Variants in DMD observed in about 807,000 individuals in gnomAD.
DMD encodes dystrophin, also known as mutant dystrophin.
A neutral mutation model predicts 330.1 loss-of-function variants in DMD; 63 were observed. The ratio of observed to expected loss-of-function variants is 0.19; its 90% CI spans 0.16 to 0.24. The LOEUF (loss-of-function observed/expected upper bound fraction) is 0.24, where lower values mean the gene tolerates loss of function less well. Among genes scored for constraint, DMD ranks in the 10% least tolerant of loss-of-function variants. The probability of loss-of-function intolerance (pLI) is 1.00; values close to 1 mark genes in which losing one functional copy is unlikely to be tolerated. For synonymous variants in DMD, 1,223 were observed against 959.8 expected (o/e 1.27, Z -5.07); for missense variants, 3,344 against 2,684.1 (o/e 1.25, Z -5.43).
At chrX:31,991,705 C>T (rs2095551603) in intron 44 of DMD, among the ~76,000 whole-genome samples, 1 of 97,819 alleles carries the variant, frequency 1.0e-5, no homozygotes, top group South Asian at 4.8e-4. Context: ...ATGATTTTGA[C>T]ACATGAGAGG....
In DMD at chrX:32,154,065, C is replaced by T. The variant is rs768904949; in HGVS notation, c.6438+62851G>A. ...CATGCCTCATTTCCAAAGTAAACCT[C>T]ACAAGAGAAAAAAGAGGTTATTAAA... On this transcript the variant is annotated intron_variant, in intron 44 of 78. Transcript: ENST00000357033. Among the ~76,000 whole-genome samples the T allele has an allele frequency of 6.3e-5, 7 of 111,888 alleles. No individual in the cohort carries two copies. The Admixed American group carries it at 6.7e-4, about 11-fold the overall frequency.
intron 1 of DMD, among the ~76,000 whole-genome samples, chrX:33,310,036 G>T (rs1234625277): frequency 1.8e-5 from 2 of 110,305 alleles, no homozygotes; most frequent in Non-Finnish European, 3.8e-5. Context: ...GTGCTTGTGG[G>T]GTAACAAAGT....
At chrX:32,141,271 CA>C (rs35628041) in intron 44 of DMD, among the ~76,000 whole-genome samples, 24 of 96,950 alleles carry the variant, frequency 2.5e-4, no homozygotes, top group African/African-American at 1.9e-4. Context: ...ACTAAAAATA[CA>C]AAAAAAAAAA....
intron 2 of DMD, among the ~76,000 whole-genome samples, chrX:32,965,363 G>A (rs541667879): frequency 8.2e-5 from 9 of 109,376 alleles, no homozygotes; most frequent in South Asian, 4.0e-4. Flanking sequence ...GTGTGGTGGC[G>A]CATGCCTGTA....
chrX:31,851,619 T>C (rs896075883), intron 48 of DMD, among the ~76,000 whole-genome samples: 1 of 112,433 alleles, frequency 8.9e-6, no homozygotes, highest in African/African-American at 3.2e-5. Flanking sequence ...GATTACTTAT[T>C]GTCTGCTAAA....
At chrX:32,651,665 T>C (rs2060164826) in intron 9 of DMD, among the ~76,000 whole-genome samples, 1 of 111,410 alleles carries the variant, frequency 9.0e-6, no homozygotes, top group Non-Finnish European at 1.9e-5. Flanking sequence ...ACAGCCCAGA[T>C]GGTAGTACAG....
intron 60 of DMD, among the ~76,000 whole-genome samples, chrX:31,372,370 G>A (rs1454059946): frequency 8.9e-6 from 1 of 111,995 alleles, no homozygotes; most frequent in Non-Finnish European, 1.9e-5. Context: ...GTTGGTGTCA[G>A]CGGGAATGAT....
In DMD at chrX:31,362,698, A is replaced by G. The variant is rs747414144; in HGVS notation, c.9085-14064T>C. On this transcript the variant is annotated intron_variant, in intron 60 of 78. Coordinates refer to ENST00000357033, the MANE Select transcript of DMD (RefSeq NM_004006.3). ...GGTGGCTCAGGCCTGTAATCCCAGC[A>G]CTTCGGGAGGCCGAGGCTGGTGGAT... 2.6e-3 allele frequency among the ~76,000 whole-genome samples: 291 copies of G among 113,188 alleles called. 1 individual carries two copies. Among genetic ancestry groups the G allele is most frequent in the Non-Finnish European group, 4.6e-3 (247 of 53,391 alleles).
intron 2 of DMD, among the ~76,000 whole-genome samples, chrX:32,983,635 G>T (rs1029007943): frequency 4.6e-5 from 5 of 108,399 alleles, no homozygotes; most frequent in Non-Finnish European, 9.6e-5. Flanking sequence ...TCAATATTCT[G>T]GCTGTGATAT....
intron 7 of DMD, among the ~76,000 whole-genome samples, chrX:32,798,208 TA>T (rs2076312535): frequency 8.9e-6 from 1 of 112,149 alleles, no homozygotes; most frequent in Admixed American, 9.4e-5. Flanking sequence ...GTTGTCTAAG[TA>T]GGTGAATTTG....
chrX:31,897,257 C>A (rs1442090215), intron 47 of DMD, among the ~76,000 whole-genome samples: 86 of 111,754 alleles, frequency 7.7e-4, no homozygotes, highest in Non-Finnish European at 1.5e-4. Context: ...TGAACTCATC[C>A]TTTTTTATGG....
chrX:32,891,072 CTGTT>C (rs2085153911), intron 2 of DMD, among the ~76,000 whole-genome samples: 1 of 112,076 alleles, frequency 8.9e-6, no homozygotes, highest in East Asian at 2.8e-4. Flanking sequence ...TTAATGTCAC[CTGTT>C]TATTTTCACT....
At chrX:32,398,917 G>C (rs778269304) in intron 30 of DMD, among the ~76,000 whole-genome samples, 21 of 110,982 alleles carry the variant, frequency 1.9e-4, no homozygotes, top group Non-Finnish European at 3.8e-4. Context: ...GAACAGAATA[G>C]AGAACACAGA....
chrX:32,300,390 A>G (rs978074385), intron 42 of DMD, among the ~76,000 whole-genome samples: 1 of 111,372 alleles, frequency 9.0e-6, no homozygotes, highest in East Asian at 2.8e-4. Context: ...CTCACAGCAC[A>G]TTAGATATCT....
At chrX:32,279,384 A>G (rs1266972657) in intron 43 of DMD, among the ~76,000 whole-genome samples, 9 of 111,856 alleles carry the variant, frequency 8.0e-5, no homozygotes, top group East Asian at 2.8e-4. Context: ...AGCACTGTTC[A>G]TAATAGCCAA....
intron 1 of DMD, among the ~76,000 whole-genome samples, chrX:33,320,663 T>G (rs1053132950): frequency 8.9e-6 from 1 of 112,025 alleles, no homozygotes; most frequent in East Asian, 2.8e-4. Context: ...CTTTGTAAAA[T>G]AAGACAACAA....
intron 29 of DMD, among the ~76,000 whole-genome samples, chrX:32,430,746 A>C (rs2098234899): frequency 9.0e-6 from 1 of 111,285 alleles, no homozygotes; most frequent in African/African-American, 3.3e-5. Flanking sequence ...GAAGCATTCC[A>C]CATTCTCCTT....
At chrX:32,413,426 G>A (rs1470870616) in intron 29 of DMD, among the ~76,000 whole-genome samples, 1 of 110,781 alleles carries the variant, frequency 9.0e-6, no homozygotes, top group Non-Finnish European at 1.9e-5. Flanking sequence ...CCTCTATCAT[G>A]TCCTTCATCA....
intron 44 of DMD, among the ~76,000 whole-genome samples, chrX:32,158,700 T>G (rs1217848370): frequency 1.8e-5 from 2 of 111,765 alleles, no homozygotes; most frequent in African/African-American, 6.5e-5. Flanking sequence ...GACATAGATA[T>G]TTTAAAGTTT....
Sources: gnomAD v4.1 joint callset for allele counts (sites outside exome capture counted in the v4.1 genomes callset) on GRCh38, gnomAD v4.1.1 for gene constraint, MANE v1.5 for transcripts, NCBI Gene and HGNC (gene_info 2026-07-23, HGNC 2026-07-21) for gene names.